ZHX2: variants seen among roughly 807,000 people sequenced by gnomAD.
ZHX2 encodes zinc fingers and homeoboxes protein 2.
A neutral mutation model predicts 21.9 loss-of-function variants in ZHX2; 6 were observed. The observed-to-expected ratio is 0.27, with a 90% CI of 0.15 to 0.54. The LOEUF is 0.54. Ranked by LOEUF, ZHX2 falls within the 20% of genes least tolerant of loss-of-function variation. The pLI is 0.95. For synonymous variants in ZHX2, 434 were observed against 437.1 expected, an observed-to-expected ratio of 0.99 and a Z score of 0.09; for missense variants, 908 against 1,090.7, an observed-to-expected ratio of 0.83 and a Z score of 2.36.
intron 1 of ZHX2, among the ~76,000 whole-genome samples, chr8:122,854,045 A>G (rs1818969454): frequency 6.6e-6 from 1 of 152,144 alleles, no homozygotes; most frequent in East Asian, 1.9e-4. Context: ...TCAGTGATCT[A>G]CATGGTCAGG....
chr8:122,907,401 A>G (rs1820375471), intron 2 of ZHX2, among the ~76,000 whole-genome samples: 2 of 152,194 alleles, frequency 1.3e-5, no homozygotes, highest in African/African-American at 4.8e-5. Flanking sequence ...TGAGACACAA[A>G]TGGTTACATC....
chr8:122,933,575 G>A (rs1274464963), intron 2 of ZHX2, among the ~76,000 whole-genome samples: 1 of 151,790 alleles, frequency 6.6e-6, no homozygotes, highest in Non-Finnish European at 1.5e-5. Flanking sequence ...ACTTTGCCTG[G>A]GAGAAGATTA....
intron 3 of ZHX2, among the ~76,000 whole-genome samples, chr8:122,968,794 GCACCAGTGAA>G (rs1027557259): frequency 6.6e-6 from 1 of 151,058 alleles, no homozygotes; most frequent in African/African-American, 2.4e-5. Context: ...AGCTGAGATT[GCACCAGTGAA>G]CTCCAGCCTG....
chr8:122,834,137 A>G (rs1014447562), intron 1 of ZHX2, among the ~76,000 whole-genome samples: 1 of 152,170 alleles, frequency 6.6e-6, no homozygotes, highest in African/African-American at 2.4e-5. Context: ...AATTAGGTAA[A>G]GCAGAGTAGG....
In ZHX2 at chr8:122,953,332, A is replaced by G. The variant is rs1326892833; in HGVS notation, c.1822A>G (p.Asn608Asp). The change falls in exon 3 of 4, where the codon AAT becomes GAT. Residue 608 changes from asparagine (N) to aspartate (D), a missense_variant. Physicochemically the swap from Asn to Asp is conservative, Grantham distance 23. Around this residue, in one of 4 missense-constraint regions of ZHX2, gnomAD observed 431 missense variants for 428.6 expected, o/e 1.01. Coordinates refer to ENST00000314393, the MANE Select transcript of ZHX2 (RefSeq NM_014943.5). The surrounding 1 kb of genome is among the most constrained non-coding windows in gnomAD (Gnocchi z 4.6). ...AAAAGGCCAAGATGTGGGAGCCCCC[A>G]ATGGTGCTCTGTCTCGACTCGACCA... is the stretch of plus-strand genomic sequence containing the variant. ...GKKGQDVGAP[N>D]GALSRLDQLS... The G allele has an allele frequency of 6.2e-7, 1 of 1,614,002 alleles. No individual in the cohort carries two copies. Among genetic ancestry groups the G allele is most frequent in the Non-Finnish European group, 8.5e-7 (1 of 1,180,010 alleles).
At chr8:122,819,234 C>T (rs565453023) in intron 1 of ZHX2, among the ~76,000 whole-genome samples, 1 of 152,280 alleles carries the variant, frequency 6.6e-6, no homozygotes, top group South Asian at 2.1e-4. Context: ...GGATCTGCCA[C>T]CTACCCACGA....
Position 122,953,186 on chromosome 8 carries a change from T to G in ZHX2, c.1676T>G (p.Leu559Arg). 1 of 1,613,758 alleles carries G rather than the reference T, an allele frequency of 6.2e-7. No individual in the cohort carries two copies. Among genetic ancestry groups the G allele is most frequent in the Non-Finnish European group, 8.5e-7 (1 of 1,179,990 alleles). ...LKSSFPTQAE[L>R]DRLRVETKLS... ...AGTTCTTTTCCTACCCAAGCAGAACTGGATCGGCTAAGGGTGGAGACCAAG... is the reference window on the plus strand; with the variant it reads ...AGTTCTTTTCCTACCCAAGCAGAACGGGATCGGCTAAGGGTGGAGACCAAG... Residue 559 changes from leucine to arginine, a missense_variant, in exon 3 of 4, where the codon CTG (leucine) becomes CGG (arginine). By Grantham distance (102) the Leu-to-Arg change is moderately radical (BLOSUM62 -2). Transcript: ENST00000314393. The surrounding 1 kb of genome is among the most constrained non-coding windows in gnomAD (Gnocchi z 4.6).
rs187005433 is a variant in ZHX2, at chr8:122,821,435, A to G, written c.-283+39489A>G. Among the ~76,000 whole-genome samples, 379 of 152,262 alleles carry G rather than the reference A, an allele frequency of 2.5e-3. 1 individual carries two copies. Among genetic ancestry groups the G allele is most frequent in the South Asian group, 6.2e-3 (30 of 4,822 alleles). ...AGTTGGGGCTTTGGCTTCCATAGCAATGATTTGCAAATAGGGTAATTTATT... is the reference window on the plus strand; with the variant it reads ...AGTTGGGGCTTTGGCTTCCATAGCAGTGATTTGCAAATAGGGTAATTTATT... On this transcript the variant is annotated intron_variant, in intron 1 of 3. Coordinates refer to ENST00000314393, the MANE Select transcript of ZHX2 (RefSeq NM_014943.5).
At chr8:122,912,881 G>T (rs535935343) in intron 2 of ZHX2, among the ~76,000 whole-genome samples, 1 of 152,240 alleles carries the variant, frequency 6.6e-6, no homozygotes, top group Admixed American at 6.5e-5. Context: ...CTTTATTGGG[G>T]CATAATTCAC....
intron 2 of ZHX2, among the ~76,000 whole-genome samples, chr8:122,932,643 C>T (rs905387510): frequency 1.1e-4 from 17 of 152,190 alleles, no homozygotes; most frequent in Non-Finnish European, 1.6e-4. Context: ...AAAGAAACCT[C>T]CTGTCTCCCT....
chr8:122,879,158 G>C (rs75487496), intron 2 of ZHX2, among the ~76,000 whole-genome samples: 4,561 of 152,296 alleles, frequency 0.03, 122 homozygotes, highest in Non-Finnish European at 0.044. Flanking sequence ...AGTCTGCCTA[G>C]AAATGGAGGT....
Position 122,879,862 on chromosome 8 carries a change from G to C in ZHX2, c.-220+16323G>C, listed in dbSNP as rs943017575. On this transcript the variant is annotated intron_variant, in intron 2 of 3. Coordinates refer to ENST00000314393, the MANE Select transcript of ZHX2 (RefSeq NM_014943.5). ...TGCCTTCATGATAGTGTTGTTATGAGGACTAAATTTAAGGACTAGGATTCT... is the reference window on the plus strand; with the variant it reads ...TGCCTTCATGATAGTGTTGTTATGACGACTAAATTTAAGGACTAGGATTCT... Among the ~76,000 whole-genome samples, 13 of 152,162 alleles carry C rather than the reference G, an allele frequency of 8.5e-5. 1 individual carries two copies. The highest frequency in any genetic ancestry group is 3.4e-3 in the Middle Eastern group (1 of 294).
chr8:122,948,081 T>G (rs762744890), intron 2 of ZHX2, among the ~76,000 whole-genome samples: 1 of 152,178 alleles, frequency 6.6e-6, no homozygotes, highest in African/African-American at 2.4e-5. Flanking sequence ...GGGGCCAGGT[T>G]CTGGGTTCAC....
At chr8:122,815,253 G>C (rs1818007686) in intron 1 of ZHX2, among the ~76,000 whole-genome samples, 1 of 152,208 alleles carries the variant, frequency 6.6e-6, no homozygotes, top group African/African-American at 2.4e-5. Context: ...AATAGGCACA[G>C]TGCCTAGAGT....
At chr8:122,954,411 G>T (rs1311484018) in intron 3 of ZHX2, among the ~76,000 whole-genome samples, 1 of 152,084 alleles carries the variant, frequency 6.6e-6, no homozygotes, top group African/African-American at 2.4e-5. Context: ...GGGCCCAAGC[G>T]ATCCTCCCCC....
chr8:122,806,924 T>C (rs1817835981), intron 1 of ZHX2, among the ~76,000 whole-genome samples: 1 of 151,828 alleles, frequency 6.6e-6, no homozygotes, highest in Non-Finnish European at 1.5e-5. Flanking sequence ...GGAAGGGGAG[T>C]GGGGATAGAT....
At chr8:122,899,563 C>T (rs1265075493) in intron 2 of ZHX2, among the ~76,000 whole-genome samples, 1 of 152,174 alleles carries the variant, frequency 6.6e-6, no homozygotes, top group Non-Finnish European at 1.5e-5. Flanking sequence ...TTGATGGCTA[C>T]ACTCAATACA....
At chr8:122,903,521 A>T (rs775061184) in intron 2 of ZHX2, among the ~76,000 whole-genome samples, 2 of 152,170 alleles carry the variant, frequency 1.3e-5, no homozygotes, top group Non-Finnish European at 2.9e-5. Flanking sequence ...GTGTGCAGGG[A>T]TGGAGTGAGC....
chr8:122,852,323 A>G (rs1375637270), intron 1 of ZHX2, among the ~76,000 whole-genome samples: 2 of 152,206 alleles, frequency 1.3e-5, no homozygotes, highest in Non-Finnish European at 2.9e-5. Context: ...TTGCGGCTTT[A>G]AATAATAGTG....
Sources: gnomAD v4.1 joint callset for allele counts (sites outside exome capture counted in the v4.1 genomes callset) on GRCh38, gnomAD v4.1.1 for gene constraint, gnomAD v4.1.1 regional missense constraint, Gnocchi (gnomAD v3.1) non-coding constraint, MANE v1.5 for transcripts, NCBI Gene and HGNC (gene_info 2026-07-23, HGNC 2026-07-21) for gene names.